Variants in CACNB2 observed in about 807,000 individuals in gnomAD.
CACNB2 encodes voltage-dependent L-type calcium channel subunit beta-2.
CACNB2 carries 42 observed loss-of-function variants against 73.3 expected under a neutral mutation model. That is an observed-to-expected ratio of 0.57 (90% confidence interval 0.45 to 0.74). The LOEUF is 0.74. Ranked by LOEUF, CACNB2 falls within the 30% of genes least tolerant of loss-of-function variation. The pLI is 0.00. For synonymous variants in CACNB2, 348 were observed against 310.3 expected, an observed-to-expected ratio of 1.12 and a Z score of -1.28; for missense variants, 940 against 853.0, an observed-to-expected ratio of 1.10 and a Z score of -1.27.
At chr10:18,476,102 G>A (rs2048426764) in intron 3 of CACNB2, among the ~76,000 whole-genome samples, 1 of 152,182 alleles carries the variant, frequency 6.6e-6, no homozygotes, top group Non-Finnish European at 1.5e-5. Flanking sequence ...GATTGTTCAT[G>A]AGTTTTCCAG....
rs1331081385 is a variant in CACNB2, at chr10:18,540,810, T to C, written c.*1086T>C. The C allele has an allele frequency of 2.0e-5, 3 of 152,638 alleles. No individual in the cohort carries two copies. Among genetic ancestry groups the C allele is most frequent in the Admixed American group, 1.3e-4 (2 of 15,274 alleles). The allele number at this position is 152,638 out of a possible 1,614,324, so 9.5% of individuals were successfully genotyped here. A position where few individuals can be genotyped will look rare whatever the true frequency, so the allele number is the denominator to read the frequency against. ...GAAGACTAACGAAGAAACTAGAGAC[T>C]GATATCGAGCATTCTGCCCACCTCG... On this transcript the variant is annotated 3_prime_UTR_variant, in exon 14 of 14. Transcript: ENST00000324631.
intron 2 of CACNB2, among the ~76,000 whole-genome samples, chr10:18,330,480 T>A (rs2040756420): frequency 6.6e-6 from 1 of 152,042 alleles, no homozygotes; most frequent in African/African-American, 2.4e-5. Flanking sequence ...AGACTCTGTC[T>A]CTACAAAACA....
At chr10:18,383,715 GT>G (rs76540484) in intron 2 of CACNB2, among the ~76,000 whole-genome samples, 46,247 of 151,352 alleles carry the variant, frequency 0.31, 7,208 homozygotes, top group Non-Finnish European at 0.31. Flanking sequence ...GAGTGCCATT[GT>G]TTTTTTTTAA....
chr10:18,309,035 G>C (rs186263728), intron 2 of CACNB2, among the ~76,000 whole-genome samples: 2 of 152,244 alleles, frequency 1.3e-5, no homozygotes, highest in African/African-American at 4.8e-5. Context: ...CCTCGGAAGT[G>C]ATGCTGTCCT....
chr10:18,196,804 A>G (rs1206463938), intron 2 of CACNB2, among the ~76,000 whole-genome samples: 3 of 152,158 alleles, frequency 2.0e-5, no homozygotes, highest in Non-Finnish European at 4.4e-5. Flanking sequence ...ACTTTCTCCT[A>G]AAAGTAATTT....
intron 1 of CACNB2, among the ~76,000 whole-genome samples, chr10:18,147,710 A>G (rs1482829749): frequency 6.7e-6 from 1 of 150,368 alleles, no homozygotes; most frequent in Non-Finnish European, 1.5e-5. Context: ...TAAAACAATT[A>G]CATATATTTT....
intron 3 of CACNB2, among the ~76,000 whole-genome samples, chr10:18,407,406 C>T (rs1011742771): frequency 1.4e-4 from 22 of 151,758 alleles, no homozygotes; most frequent in Non-Finnish European, 2.4e-4. Flanking sequence ...ACAGATGTGG[C>T]CCACCATGCC....
intron 2 of CACNB2, among the ~76,000 whole-genome samples, chr10:18,304,029 C>T (rs757494704): frequency 1.3e-4 from 20 of 152,158 alleles, no homozygotes; most frequent in Non-Finnish European, 2.2e-4. Context: ...AGTCACAGCT[C>T]GCTGCAGCCT....
intron 3 of CACNB2, among the ~76,000 whole-genome samples, chr10:18,407,263 A>G (rs560149011): frequency 6.6e-6 from 1 of 150,952 alleles, no homozygotes; most frequent in African/African-American, 2.4e-5. Context: ...CTGGCATTAC[A>G]GGCACGCACC....
chr10:18,149,216 T>C (rs943664130), intron 1 of CACNB2, among the ~76,000 whole-genome samples: 6 of 152,188 alleles, frequency 3.9e-5, no homozygotes, highest in Admixed American at 2.0e-4. Context: ...TTTCATACTT[T>C]ATTTTAGCCT....
chr10:18,360,232 GTTTAT>G (rs2042089524), intron 2 of CACNB2, among the ~76,000 whole-genome samples: 2 of 152,124 alleles, frequency 1.3e-5, no homozygotes, highest in Non-Finnish European at 2.9e-5. Flanking sequence ...TTCAGTTTAG[GTTTAT>G]TTTAAGAGAC....
At chr10:18,473,922 G>A (rs2048313262) in intron 3 of CACNB2, among the ~76,000 whole-genome samples, 1 of 152,160 alleles carries the variant, frequency 6.6e-6, no homozygotes, top group Non-Finnish European at 1.5e-5. Flanking sequence ...AGCTGCAGGT[G>A]CAGCTCCCCG....
At chr10:18,335,314 C>T (rs746437017) in intron 2 of CACNB2, among the ~76,000 whole-genome samples, 1 of 152,274 alleles carries the variant, frequency 6.6e-6, no homozygotes, top group South Asian at 2.1e-4. Context: ...ATGGCTCACA[C>T]CTGTAATCCC....
intron 2 of CACNB2, among the ~76,000 whole-genome samples, chr10:18,216,376 T>C (rs2131370819): frequency 6.6e-6 from 1 of 152,302 alleles, no homozygotes; most frequent in Admixed American, 6.5e-5. Context: ...AAGCACTATC[T>C]GGTAAAGTCC....
chr10:18,520,772 G>C (rs1206005457), intron 9 of CACNB2, among the ~76,000 whole-genome samples: 4 of 152,080 alleles, frequency 2.6e-5, no homozygotes, highest in African/African-American at 9.7e-5. Context: ...ATCACCTCAG[G>C]GCTTTGGCAC....
At chr10:18,284,197 T>G (rs1196752643) in intron 2 of CACNB2, among the ~76,000 whole-genome samples, 7 of 152,176 alleles carry the variant, frequency 4.6e-5, no homozygotes, top group Non-Finnish European at 8.8e-5. Context: ...CTTACGTGGA[T>G]AGTTAACAGG....
chr10:18,407,024 A>ATAG (rs2044324920), intron 3 of CACNB2, among the ~76,000 whole-genome samples: 1 of 146,714 alleles, frequency 6.8e-6, no homozygotes, highest in South Asian at 2.3e-4. Flanking sequence ...TTAGCTGGTT[A>ATAG]TAGTATTCAG....
In CACNB2 at chr10:18,428,296, CAT is replaced by C. The variant is rs533932129; in HGVS notation, c.333+26254_333+26255del. On this transcript the variant is annotated intron_variant, in intron 3 of 13. Coordinates refer to ENST00000324631, the MANE Select transcript of CACNB2 (RefSeq NM_201596.3). The stretch of plus-strand genomic sequence containing the variant: ...TCGTCTTACTTTGGTTGTGATTACA[CAT>C]GTTTGCACTTAGTTTCCACTACAAT... Among the ~76,000 whole-genome samples, 269 of 152,314 alleles carry C rather than the reference CAT, an allele frequency of 1.8e-3. 1 individual carries two copies. The South Asian group carries it at 0.02, about 11-fold the overall frequency.
intron 2 of CACNB2, among the ~76,000 whole-genome samples, chr10:18,244,572 T>C (rs1488271795): frequency 1.3e-5 from 2 of 152,208 alleles, no homozygotes; most frequent in Non-Finnish European, 1.5e-5. Context: ...CATCTGTTAA[T>C]TTCAAATTTC....
Sources: gnomAD v4.1 joint callset for allele counts (sites outside exome capture counted in the v4.1 genomes callset) on GRCh38, gnomAD v4.1.1 for gene constraint, MANE v1.5 for transcripts, NCBI Gene and HGNC (gene_info 2026-07-23, HGNC 2026-07-21) for gene names.